The following PDE10A variants were observed in gnomAD, a reference collection of about 807,000 sequenced individuals.
PDE10A encodes phosphodiesterase 10A.
Under a neutral mutation model 97.7 loss-of-function variants are expected in PDE10A, and 39 were observed. That is an observed-to-expected ratio of 0.40 (90% CI 0.31 to 0.52). The LOEUF (loss-of-function observed/expected upper bound fraction) is 0.52. Ranked by LOEUF, PDE10A falls within the 20% of genes least tolerant of loss-of-function variation. The pLI is 0.56. For synonymous variants in PDE10A, 371 were observed against 376.8 expected (o/e 0.98, Z 0.18); for missense variants, 731 against 1,047.8 (o/e 0.70, Z 4.17).
chr6:165,638,258 C>T (rs1317548241), intron 1 of PDE10A, among the ~76,000 whole-genome samples: 2 of 152,068 alleles, frequency 1.3e-5, no homozygotes, highest in Admixed American at 6.6e-5. Flanking sequence ...AACACATTCA[C>T]CTTCCTTTTT....
intron 1 of PDE10A, among the ~76,000 whole-genome samples, chr6:165,756,491 T>C (rs534159873): frequency 6.6e-6 from 1 of 152,326 alleles, no homozygotes; most frequent in Non-Finnish European, 1.5e-5. Context: ...TATGAATATA[T>C]ACCTCACACT....
At chr6:165,433,647 G>C (rs1583276606) in intron 6 of PDE10A, among the ~76,000 whole-genome samples, 1 of 152,110 alleles carries the variant, frequency 6.6e-6, no homozygotes, top group African/African-American at 2.4e-5. Context: ...AACTAATAAT[G>C]ATCAATTACT....
chr6:165,524,473 T>G (rs1238792536), intron 2 of PDE10A, among the ~76,000 whole-genome samples: 1 of 152,178 alleles, frequency 6.6e-6, no homozygotes. Flanking sequence ...TCACCGCTTG[T>G]AAGAGGCAAG....
At chr6:165,780,534 G>A (rs1778315158) in intron 1 of PDE10A, 1 of 152,220 alleles carries the variant, frequency 6.6e-6, no homozygotes, top group Non-Finnish European at 1.5e-5. Context: ...GTGTTCTCAG[G>A]ATGATTAAGA....
intron 1 of PDE10A, among the ~76,000 whole-genome samples, chr6:165,652,652 C>T (rs1198674516): frequency 6.6e-6 from 1 of 152,206 alleles, no homozygotes; most frequent in Non-Finnish European, 1.5e-5. Flanking sequence ...TGGACTGCAA[C>T]TCTGCAGTTA....
intron 1 of PDE10A, among the ~76,000 whole-genome samples, chr6:165,883,020 G>C (rs545269954): frequency 2.6e-5 from 4 of 152,168 alleles, no homozygotes; most frequent in Non-Finnish European, 4.4e-5. Flanking sequence ...CAGATTGCTC[G>C]AGGTCAGGAG....
chr6:165,794,439 T>C (rs969959550), intron 1 of PDE10A, among the ~76,000 whole-genome samples: 3 of 151,324 alleles, frequency 2.0e-5, no homozygotes, highest in Non-Finnish European at 4.4e-5. Context: ...CACACTCACT[T>C]GTACTCACAC....
chr6:165,539,459 C>A (rs1002886945), intron 2 of PDE10A, among the ~76,000 whole-genome samples: 4 of 152,206 alleles, frequency 2.6e-5, no homozygotes, highest in Admixed American at 6.5e-5. Context: ...CCAGCTTGGA[C>A]TCTGCTTAAA....
chr6:165,840,996 G>A (rs747413013), intron 1 of PDE10A, among the ~76,000 whole-genome samples: 2 of 152,202 alleles, frequency 1.3e-5, no homozygotes, highest in Non-Finnish European at 2.9e-5. Context: ...GGATTCAAAT[G>A]TCAGTTATTT....
intron 1 of PDE10A, among the ~76,000 whole-genome samples, chr6:165,676,988 C>A (rs1197718379): frequency 6.6e-6 from 1 of 152,228 alleles, no homozygotes; most frequent in Non-Finnish European, 1.5e-5. Context: ...AACGACTTTC[C>A]AAGAAAAAGT....
chr6:165,842,031 A>G (rs1780276959), intron 1 of PDE10A, among the ~76,000 whole-genome samples: 1 of 152,256 alleles, frequency 6.6e-6, no homozygotes. Flanking sequence ...GGAAAAATAC[A>G]TATGTACAAG....
At chr6:165,607,380 GTAT>G (rs1787262639) in intron 1 of PDE10A, among the ~76,000 whole-genome samples, 1 of 152,154 alleles carries the variant, frequency 6.6e-6, no homozygotes, top group Non-Finnish European at 1.5e-5. Context: ...CTTCCTAATG[GTAT>G]AGCACAACAC....
chr6:165,838,300 A>G (rs1349060185), intron 1 of PDE10A, among the ~76,000 whole-genome samples: 1 of 152,236 alleles, frequency 6.6e-6, no homozygotes, highest in Admixed American at 6.5e-5. Context: ...CCGGGAAATA[A>G]TACATATAAA....
chr6:165,416,091 A>G, intron 12 of PDE10A, 98 bp downstream of exon 12: 1 of 779,214 alleles, frequency 1.3e-6, no homozygotes, highest in South Asian at 1.5e-5. Context: ...AAAGAACTGA[A>G]TTGGGACGTG....
At chr6:165,867,120 AC>A (rs1238651557) in intron 1 of PDE10A, among the ~76,000 whole-genome samples, 2 of 152,016 alleles carry the variant, frequency 1.3e-5, no homozygotes, top group African/African-American at 4.8e-5. Context: ...ACAAAAATGT[AC>A]AAACAATCAG....
chr6:165,536,194 C>T (rs958798246), intron 2 of PDE10A, among the ~76,000 whole-genome samples: 5 of 151,706 alleles, frequency 3.3e-5, no homozygotes, highest in Admixed American at 2.0e-4. Context: ...TTGACAAGGA[C>T]GCCAAGAACA....
chr6:165,486,754 T>C (rs947362013), intron 2 of PDE10A, among the ~76,000 whole-genome samples: 10 of 152,184 alleles, frequency 6.6e-5, no homozygotes, highest in African/African-American at 1.4e-4. Flanking sequence ...TTCAGTGACA[T>C]AGAATGGGCT....
intron 18 of PDE10A, among the ~76,000 whole-genome samples, chr6:165,346,205 T>G (rs1411610928): frequency 6.6e-6 from 1 of 152,128 alleles, no homozygotes; most frequent in African/African-American, 2.4e-5. Flanking sequence ...CTCATAGACC[T>G]GTGAAGGGGC....
At chr6:165,820,137 G>A (rs1779528449) in intron 1 of PDE10A, among the ~76,000 whole-genome samples, 1 of 152,220 alleles carries the variant, frequency 6.6e-6, no homozygotes, top group African/African-American at 2.4e-5. Context: ...ATAAGATGCT[G>A]TGTGATTTGA....
Sources: gnomAD v4.1 joint callset for allele counts (sites outside exome capture counted in the v4.1 genomes callset) on GRCh38, gnomAD v4.1.1 for gene constraint, MANE v1.5 for transcripts, NCBI Gene and HGNC (gene_info 2026-07-23, HGNC 2026-07-21) for gene names.